NME8: variants seen among roughly 807,000 people sequenced by gnomAD.
The protein encoded by NME8 is NME/NM23 family member 8, also known as protein NME8.
A neutral mutation model predicts 82.3 loss-of-function variants in NME8; 72 were observed. That is an observed-to-expected ratio of 0.87 (90% CI 0.72 to 1.06). The LOEUF (loss-of-function observed/expected upper bound fraction) is 1.06. Among genes scored for constraint, NME8 ranks in the 50% least tolerant of loss-of-function variants. NME8 has a pLI of 0.00. For synonymous variants in NME8, 267 were observed against 228.5 expected (o/e 1.17, Z -1.52); for missense variants, 712 against 685.4 (o/e 1.04, Z -0.43).
In NME8 at chr7:37,863,480, A is replaced by G; in HGVS notation, c.454+18A>G. The G allele has an allele frequency of 6.7e-7, 1 of 1,491,896 alleles. No individual in the cohort carries two copies. Among genetic ancestry groups the G allele is most frequent in the South Asian group, 1.1e-5 (1 of 88,478 alleles). The allele number at this position is 1,491,896 out of a possible 1,614,324, so 92.4% of individuals were successfully genotyped here. ...AAGTGTTCGTAAGTAAATTTACTTC[A>G]AAGTAATCCAAGGGTTTTCTGTACG... On this transcript the variant is annotated intron_variant, in intron 8 of 17. Coordinates refer to ENST00000199447, the MANE Select transcript of NME8 (RefSeq NM_016616.5).
intron 16 of NME8, among the ~76,000 whole-genome samples, chr7:37,896,222 AC>A (rs1365665518): frequency 1.3e-5 from 2 of 152,238 alleles, no homozygotes; most frequent in Non-Finnish European, 2.9e-5. Flanking sequence ...CTAGGACTGT[AC>A]CATGACAGCT....
At chr7:37,867,564 A>G (rs530532915) in intron 10 of NME8, 138 bp from the exon 11 acceptor site, 1 of 706,546 alleles carries the variant, frequency 1.4e-6, no homozygotes. Flanking sequence ...TATTGTTAAC[A>G]GGAGATTTAT....
chr7:37,851,657 A>G (rs1784440352), intron 5 of NME8, among the ~76,000 whole-genome samples: 1 of 152,004 alleles, frequency 6.6e-6, no homozygotes, highest in Non-Finnish European at 1.5e-5. Context: ...TTATCACATT[A>G]TTTTCACCTT....
chr7:37,866,903 G>A (rs1052223068), intron 10 of NME8, among the ~76,000 whole-genome samples: 1 of 152,138 alleles, frequency 6.6e-6, no homozygotes. Context: ...GGAGAGGTGG[G>A]ACAACTTGAA....
At chr7:37,887,946 A>G (rs62444774) in intron 14 of NME8, among the ~76,000 whole-genome samples, 2,194 of 152,224 alleles carry the variant, frequency 0.014, 31 homozygotes, top group Non-Finnish European at 0.018. Flanking sequence ...GGTCCTGCCC[A>G]TGATTTGTGG....
intron 8 of NME8, 24 bp from the exon 9 acceptor site, chr7:37,864,320 TTCTG>T: frequency 2.5e-6 from 4 of 1,582,664 alleles, no homozygotes; most frequent in South Asian, 1.1e-5. Flanking sequence ...GAAAATGAAA[TTCTG>T]TCTTTTTCTA....
intron 12 of NME8, among the ~76,000 whole-genome samples, chr7:37,880,216 T>G (rs1784921767): frequency 6.6e-6 from 1 of 152,210 alleles, no homozygotes; most frequent in African/African-American, 2.4e-5. Context: ...TAGTCCAGCT[T>G]ATTAGTTATT....
intron 11 of NME8, among the ~76,000 whole-genome samples, chr7:37,869,689 G>A (rs1170267586): frequency 6.6e-6 from 1 of 152,190 alleles, no homozygotes; most frequent in African/African-American, 2.4e-5. Flanking sequence ...ACAGTCTACA[G>A]TATTTCCTTT....
chr7:37,887,177 T>G (rs950189323), intron 14 of NME8, among the ~76,000 whole-genome samples: 1 of 152,170 alleles, frequency 6.6e-6, no homozygotes, highest in Non-Finnish European at 1.5e-5. Context: ...ATTCAAGAGA[T>G]GCATGCTTAT....
In NME8 at chr7:37,862,065, C is replaced by T; in HGVS notation, c.308C>T (p.Ala103Val). Reference sequence around the variant, plus strand: ...ATCGAAAAGATTCAGGGTGCAAATGCACCGCTTGTTAATAAAAAAGTTATT... The same window carrying T: ...ATCGAAAAGATTCAGGGTGCAAATGTACCGCTTGTTAATAAAAAAGTTATT... ...KIIEKIQGAN[A>V]PLVNKKVINL... Residue 103 changes from alanine (A) to valine (V), a missense_variant, in exon 7 of 18, where the codon GCA (alanine) becomes GTA (valine). Physicochemically the swap from Ala to Val is moderately conservative, Grantham distance 64. Transcript: ENST00000199447. The T allele has an allele frequency of 6.2e-7, 1 of 1,613,702 alleles. No individual in the cohort carries two copies. Among genetic ancestry groups the T allele is most frequent in the Non-Finnish European group, 8.5e-7 (1 of 1,179,798 alleles).
At chr7:37,879,211 T>C (rs1839587) in intron 12 of NME8, among the ~76,000 whole-genome samples, 71,798 of 151,784 alleles carry the variant, frequency 0.47, 17,351 homozygotes, top group East Asian at 0.74. Context: ...TGCAATGGGG[T>C]GACCTCAGAT....
chr7:37,869,886 C>T (rs1041878555), intron 11 of NME8, among the ~76,000 whole-genome samples: 1 of 152,120 alleles, frequency 6.6e-6, no homozygotes, highest in South Asian at 2.1e-4. Flanking sequence ...CCCCAGCACT[C>T]CCGGCCAGCA....
chr7:37,880,863 T>A (rs1298276998), intron 12 of NME8, among the ~76,000 whole-genome samples: 5 of 152,188 alleles, frequency 3.3e-5, no homozygotes, highest in Admixed American at 3.3e-4. Context: ...TTTTGATAGA[T>A]TTTTGCCCAT....
At chr7:37,894,698 C>A in intron 16 of NME8, 88 bp downstream of exon 16, 2 of 1,235,688 alleles carry the variant, frequency 1.6e-6, no homozygotes, top group Non-Finnish European at 1.1e-6. Context: ...TTAATTAAAA[C>A]ATTTCATCTA....
chr7:37,852,885 GAT>G (rs1299598399), intron 5 of NME8, among the ~76,000 whole-genome samples: 3 of 152,120 alleles, frequency 2.0e-5, no homozygotes, highest in East Asian at 1.9e-4. Context: ...ATGTGGTAAT[GAT>G]ATGTTTTATT....
chr7:37,850,209 T>C (rs1784418848), intron 2 of NME8, 51 bp from the exon 3 acceptor site: 4 of 1,440,060 alleles, frequency 2.8e-6, no homozygotes, highest in Non-Finnish European at 3.9e-6. Context: ...ATAAAGAAAA[T>C]GTTATTTAAA....
intron 11 of NME8, among the ~76,000 whole-genome samples, chr7:37,872,519 T>A (rs1277309580): frequency 6.6e-6 from 1 of 152,234 alleles, no homozygotes; most frequent in Non-Finnish European, 1.5e-5. Context: ...GAGATTCAAT[T>A]GCTAGGTATA....
At chr7:37,853,529 AG>A (rs1784466121) in intron 5 of NME8, among the ~76,000 whole-genome samples, 1 of 152,216 alleles carries the variant, frequency 6.6e-6, no homozygotes, top group Non-Finnish European at 1.5e-5. Context: ...GATGGATCAC[AG>A]GGAATTGAGG....
chr7:37,885,574 T>A (rs544965619), intron 14 of NME8, among the ~76,000 whole-genome samples: 218 of 152,288 alleles, frequency 1.4e-3, no homozygotes, highest in Non-Finnish European at 3.0e-3. Flanking sequence ...TTGAGAAGGT[T>A]ATGGTGGCAG....
Sources: gnomAD v4.1 joint callset for allele counts (sites outside exome capture counted in the v4.1 genomes callset) on GRCh38, gnomAD v4.1.1 for gene constraint, MANE v1.5 for transcripts, NCBI Gene and HGNC (gene_info 2026-07-23, HGNC 2026-07-21) for gene names.